PCLO: variants seen among roughly 807,000 people sequenced by gnomAD.
PCLO encodes the protein protein piccolo.
A neutral mutation model predicts 427.5 loss-of-function variants in PCLO; 82 were observed. The observed-to-expected ratio is 0.19, with a 90% confidence interval of 0.16 to 0.23. PCLO has a LOEUF of 0.23. PCLO is among the 10% of genes least tolerant of loss of function. The probability of loss-of-function intolerance (pLI) is 1.00; values close to 1 mark genes in which losing one functional copy is unlikely to be tolerated. For missense variants in PCLO, 6,239 were observed against 6,115.9 expected (o/e 1.02, Z -0.67); for synonymous variants, 2,357 against 2,155.4 (o/e 1.09, Z -2.59).
Position 82,902,673 on chromosome 7 carries a change from G to C in PCLO, c.13506C>G (p.Asp4502Glu), listed in dbSNP as rs537659516. 2 of 1,593,204 alleles carry C rather than the reference G, an allele frequency of 1.3e-6. No individual in the cohort carries two copies. The highest frequency in any genetic ancestry group is 1.7e-6 in the Non-Finnish European group (2 of 1,162,274). Residue 4502 changes from aspartate (D) to glutamate (E), a missense_variant, in exon 9 of 25, where the codon GAC becomes GAG. Physicochemically the swap from Asp to Glu is conservative, Grantham distance 45 (BLOSUM62 2). Transcript: ENST00000333891. ...TACCTGAAACTGTGTGATCCTTTGA[G>C]TCTCTTGTTATTTTTATCCTTGCGT... ...FPHARIKITR[D>E]SKDHTVSGNG...
chr7:83,021,922 C>A (rs947036070), intron 3 of PCLO, among the ~76,000 whole-genome samples: 1 of 152,206 alleles, frequency 6.6e-6, no homozygotes, highest in East Asian at 1.9e-4. Flanking sequence ...TATTGGCCTG[C>A]AAGCAAGCAT....
At chr7:83,063,510 T>G (rs1382739777) in intron 3 of PCLO, among the ~76,000 whole-genome samples, 3 of 152,106 alleles carry the variant, frequency 2.0e-5, no homozygotes, top group African/African-American at 7.2e-5. Context: ...ATATTCAACT[T>G]TTTTAAAATA....
intron 2 of PCLO, among the ~76,000 whole-genome samples, chr7:83,140,303 A>T (rs2116634631): frequency 6.6e-6 from 1 of 152,330 alleles, no homozygotes; most frequent in African/African-American, 2.4e-5. Flanking sequence ...CACCAAAAGT[A>T]ACCTGTTTAA....
At chr7:83,048,202 GT>G (rs1376923709) in intron 3 of PCLO, among the ~76,000 whole-genome samples, 1 of 151,698 alleles carries the variant, frequency 6.6e-6, no homozygotes, top group Non-Finnish European at 1.5e-5. Context: ...ATTTCAGATT[GT>G]TATAGGATTA....
chr7:82,832,455 A>G (rs1584024434), intron 16 of PCLO, among the ~76,000 whole-genome samples: 2 of 151,892 alleles, frequency 1.3e-5, no homozygotes, highest in Admixed American at 1.3e-4. Context: ...GGGTTTCACC[A>G]TGTTAGCCCG....
intron 10 of PCLO, among the ~76,000 whole-genome samples, chr7:82,855,492 T>A (rs1792779607): frequency 6.6e-6 from 1 of 152,170 alleles, no homozygotes; most frequent in Admixed American, 6.6e-5. Context: ...AAAAATAACA[T>A]ATATTATTTG....
At chr7:82,948,369 AC>A (rs1446193517) in intron 6 of PCLO, among the ~76,000 whole-genome samples, 1 of 152,102 alleles carries the variant, frequency 6.6e-6, no homozygotes, top group East Asian at 1.9e-4. Context: ...TACTATTATG[AC>A]CATTGATGTC....
rs776452670 is a variant in PCLO at position 82,879,473 on chromosome 7, C to T, written c.13529-11G>A. ...TTCCTAATCCATTACCTGTATTAAA[C>T]AATTAGCAAATTATTAGTACTAATT... On this transcript the variant is annotated splice_polypyrimidine_tract_variant and intron_variant, in intron 9 of 24. Coordinates refer to ENST00000333891, the MANE Select transcript of PCLO (RefSeq NM_033026.6). 4 of 1,569,816 alleles carry T rather than the reference C, an allele frequency of 2.5e-6. No individual in the cohort carries two copies. Among genetic ancestry groups the T allele is most frequent in the Non-Finnish European group, 8.7e-7 (1 of 1,149,578 alleles).
At chr7:83,117,765 T>A (rs573692561) in intron 3 of PCLO, among the ~76,000 whole-genome samples, 1 of 152,328 alleles carries the variant, frequency 6.6e-6, no homozygotes, top group African/African-American at 2.4e-5. Context: ...AAGGTCTTTT[T>A]CTTTGACCCA....
intron 3 of PCLO, among the ~76,000 whole-genome samples, chr7:83,089,837 C>T (rs1790334152): frequency 6.6e-6 from 1 of 152,150 alleles, no homozygotes; most frequent in African/African-American, 2.4e-5. Context: ...CCTTCTGAAT[C>T]ACCTCCCTTT....
intron 22 of PCLO, among the ~76,000 whole-genome samples, chr7:82,785,007 C>A (rs937008231): frequency 6.6e-6 from 1 of 152,140 alleles, no homozygotes; most frequent in African/African-American, 2.4e-5. Context: ...TTTACTAATG[C>A]CTTTGTAAAT....
intron 3 of PCLO, among the ~76,000 whole-genome samples, chr7:83,050,227 A>AAAAAAAAAAAAAAAAAAACAAAAAC (rs71074611): frequency 1.2e-5 from 1 of 85,620 alleles, no homozygotes; most frequent in Non-Finnish European, 2.7e-5. Flanking sequence ...AAAAAAAAAA[A>AAAAAAAAAAAAAAAAAAACAAAAAC]AAAAAAAAAA....
chr7:83,059,381 A>ATATATATATATATATATATATATAT (rs757350399), intron 3 of PCLO, among the ~76,000 whole-genome samples: 158 of 95,772 alleles, frequency 1.6e-3, no homozygotes, highest in East Asian at 5.4e-3. Context: ...TATATATATA[A>ATATATATATATATATATATATATAT]AAATGAAAAA....
chr7:82,770,268 T>A (rs1437646155), intron 22 of PCLO, among the ~76,000 whole-genome samples: 1 of 152,112 alleles, frequency 6.6e-6, no homozygotes, highest in East Asian at 1.9e-4. Context: ...AAAATTAGAT[T>A]TTCAATTGAC....
chr7:82,880,651 T>TA (rs1793484315), intron 9 of PCLO, among the ~76,000 whole-genome samples: 1 of 152,174 alleles, frequency 6.6e-6, no homozygotes, highest in Admixed American at 6.5e-5. Context: ...ATTTAGTGGA[T>TA]AGAGGCCAGG....
chr7:82,943,682 G>A (rs1795135707), intron 6 of PCLO, among the ~76,000 whole-genome samples: 2 of 151,986 alleles, frequency 1.3e-5, no homozygotes, highest in African/African-American at 2.4e-5. Flanking sequence ...GTCTCATTGT[G>A]CAGAAGAAAG....
At chr7:82,811,928 TTTTA>T (rs1244395718) in intron 20 of PCLO, among the ~76,000 whole-genome samples, 4 of 151,026 alleles carry the variant, frequency 2.6e-5, no homozygotes, top group Non-Finnish European at 5.9e-5. Flanking sequence ...TACAGATATA[TTTTA>T]TATATATATG....
chr7:82,805,835 T>C lies in PCLO; in HGVS notation c.14792-6A>G. The stretch of plus-strand genomic sequence containing the variant: ...CCGGTGATTGGGAGGCTTTGCTGCA[T>C]GGTGTGGGAAGATTCAACACCACAG... On this transcript the variant is annotated splice_region_variant and splice_polypyrimidine_tract_variant and intron_variant, in intron 20 of 24. Transcript: ENST00000333891. 1 of 1,595,750 alleles carries C rather than the reference T, an allele frequency of 6.3e-7. No individual in the cohort carries two copies. Among genetic ancestry groups the C allele is most frequent in the Non-Finnish European group, 8.5e-7 (1 of 1,170,896 alleles).
intron 4 of PCLO, 37 bp from the exon 5 acceptor site, chr7:82,956,972 T>C (rs760943464): frequency 2.7e-6 from 4 of 1,500,860 alleles, no homozygotes; most frequent in Non-Finnish European, 3.6e-6. Context: ...AAACTTAACA[T>C]GGTTAAACTA....
Sources: gnomAD v4.1 joint callset for allele counts (sites outside exome capture counted in the v4.1 genomes callset) on GRCh38, gnomAD v4.1.1 for gene constraint, MANE v1.5 for transcripts, NCBI Gene and HGNC (gene_info 2026-07-23, HGNC 2026-07-21) for gene names.